Variants in IL7 observed in about 807,000 individuals in gnomAD.
The protein encoded by IL7 is interleukin-7.
Under a neutral mutation model 21.6 loss-of-function variants are expected in IL7, and 3 were observed. The ratio of observed to expected loss-of-function variants is 0.14; its 90% CI spans 0.06 to 0.36. The LOEUF is 0.36. Ranked by LOEUF, IL7 falls within the 10% of genes least tolerant of loss-of-function variation. The pLI is 1.00. For synonymous variants in IL7, 62 were observed against 68.1 expected, an observed-to-expected ratio of 0.91 and a Z score of 0.44; for missense variants, 175 against 200.2, an observed-to-expected ratio of 0.87 and a Z score of 0.76.
At chr8:78,689,357 C>A in intron 3 of IL7, 1 of 1,591,944 alleles carries the variant, frequency 6.3e-7, no homozygotes, top group South Asian at 1.1e-5. Context: ...GGAAAACCAA[C>A]TTCTCGGACA....
At chr8:78,679,880 A>G (rs146548595) in intron 4 of IL7, among the ~76,000 whole-genome samples, 108 of 152,316 alleles carry the variant, frequency 7.1e-4, no homozygotes, top group African/African-American at 2.5e-3. Context: ...GTATAAATCA[A>G]TATATGACGT....
Position 78,805,083 on chromosome 8 carries a change from C to CT in IL7, c.-162dup, listed in dbSNP as rs1350884335. 3 of 685,978 alleles carry CT rather than the reference C, an allele frequency of 4.4e-6. No homozygotes were observed. In the South Asian group the frequency reaches 6.2e-5, roughly 14 times the overall value. 42.5% of individuals were successfully genotyped at this position (685,978 alleles called of 1,614,324 possible). On this transcript the variant is annotated 5_prime_UTR_variant, in exon 1 of 6. It introduces an in-frame stop codon into an upstream open reading frame of the 5' UTR. Coordinates refer to ENST00000263851, the MANE Select transcript of IL7 (RefSeq NM_000880.4). ...CTGGTTCCTCTTACCCACGCCGCGA[C>CT]TGCAGTTTCATCCATCCCAAGGGGG...
chr8:78,775,252 T>C (rs1813094389), intron 2 of IL7, among the ~76,000 whole-genome samples: 1 of 152,108 alleles, frequency 6.6e-6, no homozygotes, highest in South Asian at 2.1e-4. Flanking sequence ...TAGCTATCAG[T>C]GTTCATGTTA....
At chr8:78,760,577 A>C (rs1290557304) in intron 2 of IL7, 68 of 1,554,330 alleles carry the variant, frequency 4.4e-5, no homozygotes, top group Non-Finnish European at 5.4e-5. Flanking sequence ...CAAAGTATTG[A>C]ATTTGAGTTG....
Position 78,786,394 on chromosome 8 carries a change from C to T in IL7, c.147+11678G>A, listed in dbSNP as rs1250031123. Among the ~76,000 whole-genome samples the T allele has an allele frequency of 3.3e-5, 5 of 152,122 alleles. No homozygotes were observed. In the East Asian group the frequency reaches 9.6e-4, roughly 29 times the overall value. On this transcript the variant is annotated intron_variant, in intron 2 of 5. Transcript: ENST00000263851. ...AAAAATAGTACACTTGTATAGGGCA[C>T]CTTCCATGAATGGAGCTTGCAGAAC...
intron 4 of IL7, among the ~76,000 whole-genome samples, chr8:78,681,536 C>A (rs1408412393): frequency 1.3e-5 from 2 of 152,056 alleles, no homozygotes; most frequent in African/African-American, 4.8e-5. Context: ...TTCTTTTTGT[C>A]AGAGTTTTGC....
intron 3 of IL7, among the ~76,000 whole-genome samples, chr8:78,708,314 T>C (rs1206613393): frequency 6.6e-6 from 1 of 152,194 alleles, no homozygotes; most frequent in Admixed American, 6.5e-5. Flanking sequence ...TGTAATAGAA[T>C]CATGCCACAA....
intron 4 of IL7, among the ~76,000 whole-genome samples, chr8:78,679,632 C>T (rs1401891112): frequency 2.0e-5 from 3 of 152,080 alleles, no homozygotes; most frequent in Non-Finnish European, 4.4e-5. Flanking sequence ...ACTTATTCAG[C>T]ATAGTTGAAA....
At chr8:78,687,860 ATATCTATATAATAAATATATATT>A (rs1810068582) in intron 3 of IL7, among the ~76,000 whole-genome samples, 1 of 115,502 alleles carries the variant, frequency 8.7e-6, no homozygotes, top group Non-Finnish European at 1.8e-5. Context: ...TATATAATAT[ATATCTATATAATAAATATATATT>A]TATATAATAA....
At chr8:78,773,567 G>T (rs1813035030) in intron 2 of IL7, among the ~76,000 whole-genome samples, 1 of 152,092 alleles carries the variant, frequency 6.6e-6, no homozygotes, top group South Asian at 2.1e-4. Context: ...GTGGTGCTGG[G>T]CGTGTAAGGG....
At chr8:78,761,436 T>C (rs1812552160) in intron 2 of IL7, 1 of 1,611,646 alleles carries the variant, frequency 6.2e-7, no homozygotes, top group African/African-American at 1.3e-5. Flanking sequence ...CTAGAGACAA[T>C]GTAAGCCTGG....
At chr8:78,796,210 G>A (rs1334102891) in intron 2 of IL7, among the ~76,000 whole-genome samples, 1 of 151,944 alleles carries the variant, frequency 6.6e-6, no homozygotes, top group Non-Finnish European at 1.5e-5. Flanking sequence ...GAACAAACAA[G>A]TGATTATAGT....
rs189303823 is a variant in IL7 at position 78,677,632 on chromosome 8, A to G, written n.274-1528T>C. Among the ~76,000 whole-genome samples, 69 of 151,424 alleles carry G rather than the reference A, an allele frequency of 4.6e-4. 1 individual carries two copies. The highest frequency in any genetic ancestry group is 1.6e-3 in the African/African-American group (66 of 41,274). ...TTTTCTTTTTCTAGTATCTATGTTC[A>G]GGCATTTAGTGGAGACTTTTTTTTT... is the stretch of plus-strand genomic sequence containing the variant. On this transcript the variant is annotated intron_variant and non_coding_transcript_variant, in intron 4 of 4. Transcript: ENST00000523959.
At chr8:78,749,345 A>G (rs552869425) in intron 2 of IL7, among the ~76,000 whole-genome samples, 43 of 152,160 alleles carry the variant, frequency 2.8e-4, no homozygotes, top group Non-Finnish European at 4.6e-4. Flanking sequence ...TCCATTTGGC[A>G]TATAAGAAGC....
intron 2 of IL7, among the ~76,000 whole-genome samples, chr8:78,747,591 T>A (rs1304512658): frequency 6.6e-6 from 1 of 152,216 alleles, no homozygotes; most frequent in African/African-American, 2.4e-5. Flanking sequence ...GAATTCTATC[T>A]CAATTGCTAC....
chr8:78,739,373 T>C (rs543808116), intron 3 of IL7, among the ~76,000 whole-genome samples: 2 of 152,302 alleles, frequency 1.3e-5, no homozygotes, highest in South Asian at 4.1e-4. Context: ...TGTGCAAGCA[T>C]TCACATTAAC....
intron 2 of IL7, among the ~76,000 whole-genome samples, chr8:78,791,892 T>C (rs566013302): frequency 3.4e-4 from 52 of 152,206 alleles, no homozygotes; most frequent in African/African-American, 1.2e-3. Flanking sequence ...ACCAGAGAGA[T>C]TTAGATTGCA....
At chr8:78,681,051 G>A (rs1563622864) in intron 4 of IL7, among the ~76,000 whole-genome samples, 1 of 152,010 alleles carries the variant, frequency 6.6e-6, no homozygotes, top group African/African-American at 2.4e-5. Flanking sequence ...TGAAGATGAG[G>A]GGCCTAACAT....
At chr8:78,736,804 T>C (rs1050837719) in intron 4 of IL7, among the ~76,000 whole-genome samples, 3 of 152,096 alleles carry the variant, frequency 2.0e-5, no homozygotes, top group African/African-American at 7.2e-5. Flanking sequence ...GTATGAAAAA[T>C]TAACATAGTA....
Sources: gnomAD v4.1 joint callset for allele counts (sites outside exome capture counted in the v4.1 genomes callset) on GRCh38, gnomAD v4.1.1 for gene constraint, MANE v1.5 for transcripts, NCBI Gene and HGNC (gene_info 2026-07-23, HGNC 2026-07-21) for gene names.